Variants in ECEL1 observed in about 807,000 individuals in gnomAD.
ECEL1 encodes the protein endothelin-converting enzyme-like 1.
Under a neutral mutation model 101.8 loss-of-function variants are expected in ECEL1, and 87 were observed. That is an observed-to-expected ratio of 0.85 (90% CI 0.72 to 1.02). The LOEUF (loss-of-function observed/expected upper bound fraction) is 1.02. Ranked by LOEUF, ECEL1 falls within the 50% of genes least tolerant of loss-of-function variation. ECEL1 has a pLI of 0.00. For missense variants in ECEL1, 1,032 were observed against 1,079.2 expected (o/e 0.96, Z 0.61); for synonymous variants, 487 against 468.7 (o/e 1.04, Z -0.50).
Position 232,486,298 on chromosome 2 carries a change from C to A in ECEL1, c.356G>T (p.Ser119Ile), listed in dbSNP as rs760905714. The change falls in exon 2 of 18, where the codon AGC becomes ATC. Residue 119 changes from serine to isoleucine, a missense_variant. Transcript: ENST00000304546. The stretch of plus-strand genomic sequence containing the variant: ...GTAGAAGTCCTGGCATGGGTCGATG[C>A]TGGCGTCCAGGTTGGCGGCCAGGAA... ...ARFLAANLDA[S>I]IDPCQDFYSF... The A allele has an allele frequency of 5.2e-5, 82 of 1,591,316 alleles. 1 individual carries two copies. The highest frequency in any genetic ancestry group is 6.6e-5 in the Non-Finnish European group (77 of 1,175,396).
In ECEL1 at chr2:232,481,597, T is replaced by A. The variant is rs1690579569; in HGVS notation, c.1898A>T (p.His633Leu). Residue 633 changes from histidine (H) to leucine (L), a missense_variant, in exon 14 of 18, where the codon CAC becomes CTC. Coordinates refer to ENST00000304546, the MANE Select transcript of ECEL1 (RefSeq NM_004826.4). Reference protein sequence around the residue: ...GQYDRSGNLLHWWTEASYSRF... With the variant: ...GQYDRSGNLLLWWTEASYSRF... ...GCTGTAGGAGGCCTCCGTCCACCAG[T>A]GCAGCAGGTTCCCTGAGCGGTCATA... is the stretch of plus-strand genomic sequence containing the variant. 6.2e-7 allele frequency: 1 copy of A among 1,613,798 alleles called. No individual in the cohort carries two copies. The highest frequency in any genetic ancestry group is 1.1e-5 in the South Asian group (1 of 91,080).
chr2:232,480,228 A>G lies in ECEL1; in HGVS notation c.2253T>C (p.Phe751=). 6.2e-7 allele frequency: 1 copy of G among 1,613,956 alleles called. No homozygotes were observed. Among genetic ancestry groups the G allele is most frequent in the Non-Finnish European group, 8.5e-7 (1 of 1,179,972 alleles). ...AGTGGAAAGCCCGGCCAAACTCCTC[A>G]AACTGGGACACACTGCCCAGCACCC... The part of the protein sequence containing the change: ...HYRVLGSVSQ[F]EEFGRAFHCP... The change falls in exon 18 of 18, where the codon TTT becomes TTC. Residue 751 remains phenylalanine (F), a synonymous_variant. Coordinates refer to ENST00000304546, the MANE Select transcript of ECEL1 (RefSeq NM_004826.4).
rs1457018835 is a variant in ECEL1, at chr2:232,485,858, G to A, written c.786+10C>T. ...CGGCCGCTGGCAGGGCGCTCAGGGG[G>A]CGCACTCACGCGGATGACGTAGCGC... is the stretch of plus-strand genomic sequence containing the variant. On this transcript the variant is annotated intron_variant, in intron 2 of 17. Coordinates refer to ENST00000304546, the MANE Select transcript of ECEL1 (RefSeq NM_004826.4). 6.5e-7 allele frequency: 1 copy of A among 1,545,758 alleles called. No homozygotes were observed. Among genetic ancestry groups the A allele is most frequent in the Non-Finnish European group, 8.7e-7 (1 of 1,149,944 alleles).
In ECEL1 at chr2:232,484,194, A is replaced by C; in HGVS notation, c.1214T>G (p.Val405Gly). The C allele has an allele frequency of 6.2e-7, 1 of 1,612,684 alleles. No individual in the cohort carries two copies. Among genetic ancestry groups the C allele is most frequent in the Non-Finnish European group, 8.5e-7 (1 of 1,179,758 alleles). The change falls in exon 7 of 18, where the codon GTG (valine) becomes GGG (glycine). Residue 405 changes from valine to glycine, a missense_variant. By Grantham distance (109) the Val-to-Gly change is moderately radical (BLOSUM62 -3). Transcript: ENST00000304546. ...RVLHNYLVWR[V>G]VVVLSEHLSP... ...CAGGTGTTCACTCAGGACCACCACC[A>C]CGCGCCACACCAGGTAGTTGTGCAG...
chr2:232,480,955 C>T lies in ECEL1; in HGVS notation c.2055+136G>A, dbSNP rs976684490. ...CTTCCTCTTCCAGTGGACCGTGGCCCCAGCACATGCCCTGCCCCACCCCAG... is the reference window on the plus strand; with the variant it reads ...CTTCCTCTTCCAGTGGACCGTGGCCTCAGCACATGCCCTGCCCCACCCCAG... On this transcript the variant is annotated intron_variant, in intron 15 of 17. Transcript: ENST00000304546. 4 of 1,368,344 alleles carry T rather than the reference C, an allele frequency of 2.9e-6. No individual in the cohort carries two copies. The African/African-American group carries it at 5.8e-5, about 20-fold the overall frequency. 84.8% of individuals were successfully genotyped at this position (1,368,344 alleles called of 1,614,324 possible).
intron 15 of ECEL1, 91 bp downstream of exon 15, chr2:232,481,000 G>T (rs1210212608): frequency 2.0e-6 from 3 of 1,489,408 alleles, no homozygotes; most frequent in Non-Finnish European, 2.7e-6. Flanking sequence ...CAGCAGGGTG[G>T]GCAGGGAGAG....
rs1347294780 is a variant in ECEL1, at chr2:232,480,219, A to G, written c.2262T>C (p.Phe754=). ...VLGSVSQFEE[F]GRAFHCPKDS... is the part of the protein sequence containing the mutation. ...CCTTGGGACAGTGGAAAGCCCGGCC[A>G]AACTCCTCAAACTGGGACACACTGC... The change falls in exon 18 of 18, where the codon TTT becomes TTC. Residue 754 remains phenylalanine (F), a synonymous_variant. Coordinates refer to ENST00000304546, the MANE Select transcript of ECEL1 (RefSeq NM_004826.4). 1 of 1,613,844 alleles carries G rather than the reference A, an allele frequency of 6.2e-7. No individual in the cohort carries two copies.
Position 232,485,826 on chromosome 2 carries a change from G to A in ECEL1, c.786+42C>T, listed in dbSNP as rs770492287. 7 of 1,535,808 alleles carry A rather than the reference G, an allele frequency of 4.6e-6. No individual in the cohort carries two copies. In the African/African-American group the frequency reaches 6.8e-5, roughly 15 times the overall value. ...CCCCTGGGCAAGGCCACTGCGCCCC[G>A]GATCCGCGGCCGCTGGCAGGGCGCT... is the stretch of plus-strand genomic sequence containing the variant. On this transcript the variant is annotated intron_variant, in intron 2 of 17. Transcript: ENST00000304546.
rs540946407 is a variant in ECEL1 at position 232,481,941 on chromosome 2, C to T, written c.1797-92G>A. On this transcript the variant is annotated intron_variant, in intron 12 of 17. Transcript: ENST00000304546. ...GGCCCCAGATGTCCCCTGGCCGGGC[C>T]AGGAGGTGGCACAGGGAGGCCACAG... The T allele has an allele frequency of 6.1e-5, 96 of 1,566,290 alleles. No homozygotes were observed. In the Middle Eastern group the frequency reaches 1.2e-3, roughly 20 times the overall value.
rs781173464 is a variant in ECEL1, at chr2:232,481,561, C to T, written c.1934G>A (p.Arg645Gln). Residue 645 changes from arginine to glutamine, a missense_variant, in exon 14 of 18, where the codon CGA becomes CAA. Transcript: ENST00000304546. ...WTEASYSRFL[R>Q]KAECIVRLYD... ...GAGACGGACGATGCACTCAGCCTTT[C>T]GCAGGAAGCGGCTGTAGGAGGCCTC... 73 of 1,613,728 alleles carry T rather than the reference C, an allele frequency of 4.5e-5. No individual in the cohort carries two copies. The highest frequency in any genetic ancestry group is 8.3e-5 in the Admixed American group (5 of 59,996).
At chr2:232,481,220 T>C (rs1690570056) in intron 14 of ECEL1, 64 bp from the exon 15 acceptor site, 4 of 1,529,368 alleles carry the variant, frequency 2.6e-6, no homozygotes, top group Non-Finnish European at 2.7e-6. Flanking sequence ...CAGGCATTGA[T>C]ACCCTGGGCC....
intron 13 of ECEL1, 73 bp from the exon 14 acceptor site, chr2:232,481,703 T>C (rs1690583189): frequency 1.3e-6 from 2 of 1,597,730 alleles, no homozygotes; most frequent in African/African-American, 2.7e-5. Flanking sequence ...CAGCCCCAGT[T>C]AGGCCATCCC....
chr2:232,486,657 G>T lies in ECEL1; in HGVS notation c.-4C>A. 2.0e-6 allele frequency: 3 copies of T among 1,521,072 alleles called. No homozygotes were observed. Among genetic ancestry groups the T allele is most frequent in the Non-Finnish European group, 2.6e-6 (3 of 1,144,758 alleles). The allele number at this position is 1,521,072 out of a possible 1,614,324, so 94.2% of individuals were successfully genotyped here. A position where few individuals can be genotyped will look rare whatever the true frequency, so the allele number is the denominator to read the frequency against. On this transcript the variant is annotated 5_prime_UTR_variant, in exon 2 of 18. Coordinates refer to ENST00000304546, the MANE Select transcript of ECEL1 (RefSeq NM_004826.4). Reference sequence around the variant, plus strand: ...TCAGCGAATACGGGGGCTCCATGGCGCCGAGGCCGCCGCGGTGCAGACCTG... The same window carrying T: ...TCAGCGAATACGGGGGCTCCATGGCTCCGAGGCCGCCGCGGTGCAGACCTG...
chr2:232,481,604 G>A lies in ECEL1; in HGVS notation c.1891C>T (p.Leu631=). The A allele has an allele frequency of 6.2e-7, 1 of 1,613,810 alleles. No individual in the cohort carries two copies. Among genetic ancestry groups the A allele is most frequent in the Non-Finnish European group, 8.5e-7 (1 of 1,180,016 alleles). The stretch of plus-strand genomic sequence containing the variant: ...GAGGCCTCCGTCCACCAGTGCAGCA[G>A]GTTCCCTGAGCGGTCATACTGGCCC... ...WGGQYDRSGN[L]LHWWTEASYS... is the part of the protein sequence containing the mutation. The change falls in exon 14 of 18, where the codon CTG becomes TTG. Residue 631 remains leucine (L), a synonymous_variant. Transcript: ENST00000304546.
At position 232,480,449 on chromosome 2, in the gene ECEL1, C is replaced by A. The variant is rs1420757641; in HGVS notation, c.2178G>T (p.Gln726His). Residue 726 changes from glutamine to histidine, a missense_variant, in exon 17 of 18, where the codon CAG (glutamine) becomes CAT (histidine). Coordinates refer to ENST00000304546, the MANE Select transcript of ECEL1 (RefSeq NM_004826.4). ...AQNWCIKRRS[Q>H]SIYLQVLTDK... The stretch of plus-strand genomic sequence containing the variant: ...CAGTCAGCACCTGCAGGTAGATGGA[C>A]TGCGACCGCCGCTTGATGCACCAGT... The A allele has an allele frequency of 6.2e-7, 1 of 1,613,940 alleles. No homozygotes were observed. The highest frequency in any genetic ancestry group is 1.1e-5 in the South Asian group (1 of 91,076).
In ECEL1 at chr2:232,480,174, G is replaced by A; in HGVS notation, c.2307C>T (p.Ala769=). ...HCPKDSPMNP[A]HKCSVW ...AGGCTCACCACACGGAACACTTGTG[G>A]GCAGGGTTCATGGGTGAGTCCTTGG... Residue 769 remains alanine, a synonymous_variant, in exon 18 of 18, where the codon GCC becomes GCT. Transcript: ENST00000304546. The A allele has an allele frequency of 6.2e-7, 1 of 1,613,762 alleles. No individual in the cohort carries two copies. Among genetic ancestry groups the A allele is most frequent in the Non-Finnish European group, 8.5e-7 (1 of 1,179,902 alleles).
At chr2:232,484,444 G>A (rs1369741726) in intron 6 of ECEL1, 28 bp downstream of exon 6, 5 of 1,611,022 alleles carry the variant, frequency 3.1e-6, no homozygotes, top group Non-Finnish European at 4.2e-6. Flanking sequence ...TGACCGCTGG[G>A]CAGAAAATGC....
chr2:232,481,451 C>T, intron 14 of ECEL1, 55 bp downstream of exon 14: 1 of 1,561,862 alleles, frequency 6.4e-7, no homozygotes, highest in Non-Finnish European at 8.7e-7. Context: ...GCGTGATGCT[C>T]CCGGCCCGTG....
Position 232,486,018 on chromosome 2 carries a change from G to C in ECEL1, c.636C>G (p.Asp212Glu), listed in dbSNP as rs745485321. The C allele has an allele frequency of 3.7e-6, 6 of 1,608,704 alleles. No homozygotes were observed. The South Asian group carries it at 5.5e-5, about 15-fold the overall frequency. The part of the protein sequence containing the change: ...LEVIEDCGGW[D>E]LGGAEERPGV... ...CCGGACGCTCCTCCGCGCCGCCCAG[G>C]TCCCAGCCCCCGCAGTCCTCGATGA... The change falls in exon 2 of 18, where the codon GAC (aspartate) becomes GAG (glutamate). Residue 212 changes from aspartate to glutamate, a missense_variant. Transcript: ENST00000304546.
Sources: gnomAD v4.1 joint callset for allele counts on GRCh38, gnomAD v4.1.1 for gene constraint, MANE v1.5 for transcripts, NCBI Gene and HGNC (gene_info 2026-07-23, HGNC 2026-07-21) for gene names.